Variants in FSD1L observed in about 807,000 individuals in gnomAD.
The protein encoded by FSD1L is FSD1-like protein.
In FSD1L, 45 loss-of-function variants were observed where a neutral mutation model predicts 71.6. The observed-to-expected ratio is 0.63, with a 90% CI of 0.49 to 0.81. FSD1L has a LOEUF of 0.81. FSD1L is among the 30% of genes least tolerant of loss of function. The pLI is 0.00. For synonymous variants in FSD1L, 197 were observed against 207.2 expected (o/e 0.95, Z 0.42); for missense variants, 561 against 618.1 (o/e 0.91, Z 0.98).
At chr9:105,527,911 A>C (rs1339978242) in intron 10 of FSD1L, among the ~76,000 whole-genome samples, 1 of 152,176 alleles carries the variant, frequency 6.6e-6, no homozygotes, top group Non-Finnish European at 1.5e-5. Flanking sequence ...TTTTCAGCCC[A>C]AAATCTCCTT....
intron 7 of FSD1L, among the ~76,000 whole-genome samples, chr9:105,499,039 GT>G (rs1833607234): frequency 6.6e-6 from 1 of 152,220 alleles, no homozygotes; most frequent in South Asian, 2.1e-4. Flanking sequence ...GTTAATGTGT[GT>G]TTTACAGCCC....
intron 10 of FSD1L, chr9:105,524,278 T>C: frequency 1.7e-5 from 27 of 1,612,702 alleles, no homozygotes; most frequent in Non-Finnish European, 2.3e-5. Context: ...ATGCTTCACA[T>C]GCTGGTTCAT....
At chr9:105,491,077 A>C (rs1832906231) in intron 7 of FSD1L, among the ~76,000 whole-genome samples, 4 of 152,018 alleles carry the variant, frequency 2.6e-5, no homozygotes, top group Admixed American at 2.6e-4. Context: ...ATGGCATTAA[A>C]CCTGTAAATT....
chr9:105,502,113 T>C (rs774684929), intron 7 of FSD1L, among the ~76,000 whole-genome samples: 3 of 152,204 alleles, frequency 2.0e-5, no homozygotes, highest in Non-Finnish European at 4.4e-5. Flanking sequence ...GTAAAGGCTG[T>C]TGTCTCTAAG....
chr9:105,525,670 C>T, intron 10 of FSD1L: 1 of 1,609,356 alleles, frequency 6.2e-7, no homozygotes. Flanking sequence ...CCGAGAGACA[C>T]ACAAGATTGC....
chr9:105,538,257 A>T (rs1332616484), intron 12 of FSD1L, among the ~76,000 whole-genome samples: 1 of 152,234 alleles, frequency 6.6e-6, no homozygotes, highest in Non-Finnish European at 1.5e-5. Flanking sequence ...ATGTACCGTT[A>T]TGCTGTTTAC....
intron 7 of FSD1L, among the ~76,000 whole-genome samples, chr9:105,498,772 G>T (rs1165219384): frequency 1.3e-5 from 2 of 152,068 alleles, no homozygotes; most frequent in Non-Finnish European, 2.9e-5. Context: ...CTTTGACTAT[G>T]TGTTGTTTAG....
intron 7 of FSD1L, among the ~76,000 whole-genome samples, chr9:105,502,169 C>G (rs190910486): frequency 6.6e-6 from 1 of 152,228 alleles, no homozygotes; most frequent in Non-Finnish European, 1.5e-5. Context: ...AATTGTCTAG[C>G]TGTGCAATCT....
chr9:105,445,914 A>G (rs879550815), upstream of FSD1L, among the ~76,000 whole-genome samples: 5 of 152,176 alleles, frequency 3.3e-5, no homozygotes, highest in African/African-American at 4.8e-5. Context: ...TGGCACACAT[A>G]GGCCCACCCT....
intron 7 of FSD1L, among the ~76,000 whole-genome samples, chr9:105,487,813 T>C (rs966473644): frequency 2.6e-5 from 4 of 152,214 alleles, no homozygotes; most frequent in African/African-American, 9.6e-5. Flanking sequence ...GACTTCACTA[T>C]TGCAAGATTG....
chr9:105,505,949 A>G (rs1213905755), intron 7 of FSD1L, among the ~76,000 whole-genome samples: 1 of 152,216 alleles, frequency 6.6e-6, no homozygotes, highest in Non-Finnish European at 1.5e-5. Context: ...TGGCTCATTT[A>G]CTTCAGTTTA....
chr9:105,467,463 A>C (rs1023703713), intron 3 of FSD1L, among the ~76,000 whole-genome samples: 1 of 152,140 alleles, frequency 6.6e-6, no homozygotes, highest in Admixed American at 6.6e-5. Context: ...AATAGCAGCA[A>C]ATATAGCAAT....
rs560138862 is a variant in FSD1L at position 105,451,220 on chromosome 9, A to G, written c.15+2985A>G. Among the ~76,000 whole-genome samples the G allele has an allele frequency of 1.3e-3, 195 of 152,328 alleles. 1 individual carries two copies. Among genetic ancestry groups the G allele is most frequent in the African/African-American group, 4.5e-3 (186 of 41,582 alleles). The stretch of plus-strand genomic sequence containing the variant: ...GTGATCCGCCCGCCTCGGCCTCCCA[A>G]AGTGCTGGGATTACAGGCGTGGGCC... On this transcript the variant is annotated intron_variant, in intron 1 of 13. Coordinates refer to ENST00000481272, the MANE Select transcript of FSD1L (RefSeq NM_001145313.3).
At chr9:105,495,065 C>G (rs992612267) in intron 7 of FSD1L, among the ~76,000 whole-genome samples, 11 of 152,336 alleles carry the variant, frequency 7.2e-5, no homozygotes, top group Admixed American at 2.0e-4. Flanking sequence ...GCAGAGGTTA[C>G]TGCTGTCTTT....
chr9:105,550,335 G>C lies in FSD1L; in HGVS notation c.*3852G>C, dbSNP rs1837215265. The C allele has an allele frequency of 6.6e-6, 1 of 151,908 alleles. No individual in the cohort carries two copies. The highest frequency in any genetic ancestry group is 2.4e-5 in the African/African-American group (1 of 41,410). 9.4% of individuals were successfully genotyped at this position (151,908 alleles called of 1,614,324 possible). ...AAAAAGTTTCTTCTTTGATTATGTA[G>C]TTACTCTAGATACATTCTTTTAGGG... On this transcript the variant is annotated 3_prime_UTR_variant, in exon 14 of 14. Coordinates refer to ENST00000481272, the MANE Select transcript of FSD1L (RefSeq NM_001145313.3).
intron 10 of FSD1L, chr9:105,521,245 T>G: frequency 2.5e-6 from 4 of 1,614,174 alleles, no homozygotes; most frequent in Middle Eastern, 1.6e-4. Context: ...GAAGGTGAAG[T>G]CTTGCCAAAG....
chr9:105,543,328 G>C (rs901177713), intron 13 of FSD1L, among the ~76,000 whole-genome samples: 1 of 152,062 alleles, frequency 6.6e-6, no homozygotes, highest in Admixed American at 6.6e-5. Context: ...TCAATGATCT[G>C]TATTTTCATA....
chr9:105,503,069 A>T (rs1833862114), intron 7 of FSD1L, among the ~76,000 whole-genome samples: 2 of 151,532 alleles, frequency 1.3e-5, no homozygotes, highest in Non-Finnish European at 2.9e-5. Context: ...TTTTTGTCAA[A>T]GTGAGATGGG....
chr9:105,543,967 C>T (rs1022502742), intron 13 of FSD1L, among the ~76,000 whole-genome samples: 7 of 152,198 alleles, frequency 4.6e-5, no homozygotes, highest in African/African-American at 1.7e-4. Flanking sequence ...ATGGCTGGGT[C>T]AAATGGTATT....
Sources: gnomAD v4.1 joint callset for allele counts (sites outside exome capture counted in the v4.1 genomes callset) on GRCh38, gnomAD v4.1.1 for gene constraint, MANE v1.5 for transcripts, NCBI Gene and HGNC (gene_info 2026-07-23, HGNC 2026-07-21) for gene names.